Variants in DOCK3 observed in about 807,000 individuals in gnomAD.
The protein encoded by DOCK3 is dedicator of cytokinesis protein 3.
DOCK3 carries 60 observed loss-of-function variants against 265.6 expected under a neutral mutation model. The ratio of observed to expected loss-of-function variants is 0.23; its 90% CI spans 0.18 to 0.28. The LOEUF (loss-of-function observed/expected upper bound fraction) is 0.28, where lower values mean the gene tolerates loss of function less well. Ranked by LOEUF, DOCK3 falls within the 10% of genes least tolerant of loss-of-function variation. DOCK3 has a pLI of 1.00. For missense variants in DOCK3, 1,981 were observed against 2,594.3 expected (o/e 0.76, Z 5.14); for synonymous variants, 881 against 938.0 (o/e 0.94, Z 1.11).
chr3:51,247,669 T>A (rs2078902743), intron 22 of DOCK3, among the ~76,000 whole-genome samples: 1 of 152,170 alleles, frequency 6.6e-6, no homozygotes, highest in African/African-American at 2.4e-5. Context: ...CTTTGCACAT[T>A]CCGTAAAAAT....
intron 2 of DOCK3, among the ~76,000 whole-genome samples, chr3:50,779,466 C>A (rs759875350): frequency 1.9e-4 from 29 of 152,152 alleles, no homozygotes; most frequent in Non-Finnish European, 3.4e-4. Context: ...TCACTGCAAC[C>A]TCTGCCTCCC....
chr3:51,180,435 C>T (rs144811767), intron 12 of DOCK3, among the ~76,000 whole-genome samples: 82 of 152,296 alleles, frequency 5.4e-4, no homozygotes, highest in Middle Eastern at 3.4e-3. Flanking sequence ...CAACTGCACT[C>T]GCTCTGGAGG....
At chr3:51,367,942 CT>C (rs1264085438) in intron 49 of DOCK3, among the ~76,000 whole-genome samples, 2 of 152,202 alleles carry the variant, frequency 1.3e-5, no homozygotes, top group Admixed American at 6.5e-5. Context: ...TTCGTTTCAA[CT>C]TTGGTGAATC....
chr3:50,929,691 A>G (rs1347192498), intron 4 of DOCK3, among the ~76,000 whole-genome samples: 1 of 152,204 alleles, frequency 6.6e-6, no homozygotes, highest in African/African-American at 2.4e-5. Context: ...TTTGGAGCCC[A>G]AAAATATTTG....
intron 7 of DOCK3, among the ~76,000 whole-genome samples, chr3:51,083,233 C>T (rs1391448460): frequency 6.6e-6 from 1 of 152,162 alleles, no homozygotes; most frequent in Non-Finnish European, 1.5e-5. Context: ...TCTGCTACTG[C>T]ACTCACCTAG....
chr3:50,716,420 T>G (rs2037115587), intron 1 of DOCK3, among the ~76,000 whole-genome samples: 1 of 151,844 alleles, frequency 6.6e-6, no homozygotes, highest in African/African-American at 2.4e-5. Flanking sequence ...CCCAGTTACT[T>G]GGGAGGCTGA....
intron 5 of DOCK3, among the ~76,000 whole-genome samples, chr3:50,939,143 T>C (rs985543299): frequency 1.3e-4 from 20 of 152,016 alleles, no homozygotes; most frequent in Admixed American, 1.2e-3. Flanking sequence ...GAAAATACTG[T>C]AAACAACTTT....
intron 5 of DOCK3, among the ~76,000 whole-genome samples, chr3:50,941,133 T>C (rs892558228): frequency 1.3e-5 from 2 of 152,096 alleles, no homozygotes; most frequent in Admixed American, 6.5e-5. Flanking sequence ...GATGAAAAGG[T>C]AAGCCATATA....
chr3:50,918,817 A>G (rs1160953961), intron 4 of DOCK3, among the ~76,000 whole-genome samples: 5 of 152,170 alleles, frequency 3.3e-5, no homozygotes, highest in Admixed American at 6.5e-5. Flanking sequence ...TTGGTGTTTT[A>G]GTCATGAAGT....
intron 1 of DOCK3, among the ~76,000 whole-genome samples, chr3:50,681,396 A>T (rs1156273998): frequency 6.6e-6 from 1 of 152,152 alleles, no homozygotes; most frequent in Non-Finnish European, 1.5e-5. Flanking sequence ...TTTAAGAATG[A>T]TCTGAAATTA....
chr3:51,258,175 A>G (rs1387656891), intron 22 of DOCK3, among the ~76,000 whole-genome samples: 4 of 152,192 alleles, frequency 2.6e-5, no homozygotes, highest in East Asian at 3.8e-4. Flanking sequence ...CACTCATTAC[A>G]TCTCTTGTGA....
chr3:50,900,525 G>C (rs370915481), intron 4 of DOCK3, among the ~76,000 whole-genome samples: 2 of 152,270 alleles, frequency 1.3e-5, no homozygotes, highest in South Asian at 4.1e-4. Flanking sequence ...CCTTGGCGAG[G>C]AGTTGTGATC....
intron 7 of DOCK3, among the ~76,000 whole-genome samples, chr3:51,086,269 A>G (rs2082422026): frequency 6.6e-6 from 1 of 152,200 alleles, no homozygotes; most frequent in South Asian, 2.1e-4. Flanking sequence ...GTGATATAAG[A>G]ACGCCTTTAA....
At chr3:51,275,566 T>A (rs2080773584) in intron 25 of DOCK3, among the ~76,000 whole-genome samples, 1 of 152,134 alleles carries the variant, frequency 6.6e-6, no homozygotes, top group Non-Finnish European at 1.5e-5. Context: ...AGACCCAGAC[T>A]TGAGAGGTAG....
intron 23 of DOCK3, among the ~76,000 whole-genome samples, chr3:51,268,772 A>G (rs1436487594): frequency 6.6e-6 from 1 of 152,072 alleles, no homozygotes; most frequent in Non-Finnish European, 1.5e-5. Flanking sequence ...GGGAGTCTAT[A>G]AGGAACTCTA....
At chr3:51,305,470 G>A (rs886205281) in intron 27 of DOCK3, among the ~76,000 whole-genome samples, 3 of 152,124 alleles carry the variant, frequency 2.0e-5, no homozygotes, top group African/African-American at 4.8e-5. Flanking sequence ...TGTGTACCTT[G>A]TAGATATAGT....
chr3:50,707,982 G>T (rs896112190), intron 1 of DOCK3, among the ~76,000 whole-genome samples: 1 of 152,118 alleles, frequency 6.6e-6, no homozygotes, highest in South Asian at 2.1e-4. Context: ...AGCTAGATGG[G>T]GTGGCCCCCT....
intron 27 of DOCK3, among the ~76,000 whole-genome samples, chr3:51,291,836 C>T (rs965529897): frequency 3.3e-5 from 5 of 152,058 alleles, no homozygotes; most frequent in Non-Finnish European, 5.9e-5. Context: ...TAATATGATG[C>T]AAAAGTCCTC....
At chr3:50,966,273 G>A (rs2077028831) in intron 5 of DOCK3, among the ~76,000 whole-genome samples, 1 of 152,130 alleles carries the variant, frequency 6.6e-6, no homozygotes, top group East Asian at 1.9e-4. Context: ...GGATGAATGA[G>A]GGGGTGCAGA....
Sources: allele counts gnomAD v4.1 joint callset (sites outside exome capture counted in the v4.1 genomes callset), GRCh38; gene constraint gnomAD v4.1.1; transcripts MANE v1.5; gene names NCBI Gene and HGNC (gene_info 2026-07-23, HGNC 2026-07-21).